STRN4: variants seen among roughly 807,000 people sequenced by gnomAD.
STRN4 encodes the protein striatin-4.
Under a neutral mutation model 77.9 loss-of-function variants are expected in STRN4, and 27 were observed. That is an observed-to-expected ratio of 0.35 (90% CI 0.26 to 0.48). The LOEUF is 0.48. Ranked by LOEUF, STRN4 falls within the 20% of genes least tolerant of loss-of-function variation. The pLI is 0.99. For synonymous variants in STRN4, 466 were observed against 443.1 expected, an observed-to-expected ratio of 1.05 and a Z score of -0.65; for missense variants, 798 against 1,049.7, an observed-to-expected ratio of 0.76 and a Z score of 3.31.
At chr19:46,739,192 G>C (rs972949312) in intron 1 of STRN4, 1 of 402,762 alleles carries the variant, frequency 2.5e-6, no homozygotes, top group Admixed American at 3.6e-5. Context: ...GGGGAAGTCG[G>C]GTCAGGGATG....
chr19:46,728,568 C>A (rs1345213911), intron 7 of STRN4, 50 bp downstream of exon 7: 3 of 1,586,884 alleles, frequency 1.9e-6, no homozygotes, highest in Non-Finnish European at 2.6e-6. Flanking sequence ...CTGCTCCCAC[C>A]CCCTCGGTGG....
At chr19:46,739,681 C>T (rs552057554) in intron 1 of STRN4, among the ~76,000 whole-genome samples, 1 of 152,346 alleles carries the variant, frequency 6.6e-6, no homozygotes, top group Middle Eastern at 3.4e-3. Context: ...CCCAAGCACC[C>T]CACCGTTCCA....
chr19:46,725,529 G>A lies in STRN4; in HGVS notation c.1368C>T (p.Ala456=), dbSNP rs150005732. The stretch of plus-strand genomic sequence containing the variant: ...AGAGCTTGAGCGTGCCGTCCTCGGA[G>A]GCGGTGAGCAGAGCCGACTGGCTGT... ...FHHSQSALLT[A]SEDGTLKLWN... Residue 456 remains alanine (A), a synonymous_variant, in exon 10 of 18, where the codon GCC becomes GCT. Coordinates refer to ENST00000263280, the MANE Select transcript of STRN4 (RefSeq NM_013403.3). 65 of 1,614,080 alleles carry A rather than the reference G, an allele frequency of 4.0e-5. No homozygotes were observed. In the African/African-American group the frequency reaches 7.3e-4, roughly 18 times the overall value.
intron 7 of STRN4, chr19:46,728,262 G>A (rs2054168240): frequency 3.2e-6 from 2 of 616,088 alleles, no homozygotes; most frequent in African/African-American, 1.8e-5. Flanking sequence ...CTCCTAGCTA[G>A]GAGTCACAGG....
Position 46,738,370 on chromosome 19 carries a change from A to T in STRN4, c.387-133T>A, listed in dbSNP as rs886444905. 1 of 874,670 alleles carries T rather than the reference A, an allele frequency of 1.1e-6. No homozygotes were observed. The highest frequency in any genetic ancestry group is 1.9e-6 in the Non-Finnish European group (1 of 540,414). The allele number at this position is 874,670 out of a possible 1,614,324, so 54.2% of individuals were successfully genotyped here. A position where few individuals can be genotyped will look rare whatever the true frequency, so the allele number is the denominator to read the frequency against. On this transcript the variant is annotated intron_variant, in intron 2 of 17. Transcript: ENST00000263280. The surrounding 1 kb of genome is among the most constrained non-coding windows in gnomAD (Gnocchi z 4.5). ...GCTCGTCTACTACTGAGGCTGAAGC[A>T]TCCCCCCACACCCCTGGCCTGGTGG...
chr19:46,736,919 G>A lies in STRN4; in HGVS notation c.461-18C>T, dbSNP rs767986086. On this transcript the variant is annotated intron_variant, in intron 3 of 17. Coordinates refer to ENST00000263280, the MANE Select transcript of STRN4 (RefSeq NM_013403.3). ...ATTGGAGACTGGCGGGTGAGAGAAC[G>A]GAGGCTGTCTTAAGTCAGGCCACTG... 3 of 1,608,974 alleles carry A rather than the reference G, an allele frequency of 1.9e-6. No individual in the cohort carries two copies. The highest frequency in any genetic ancestry group is 2.5e-6 in the Non-Finnish European group (3 of 1,177,588).
Position 46,723,695 on chromosome 19 carries a change from G to A in STRN4, c.1595-411C>T, listed in dbSNP as rs568824647. Reference sequence around the variant, plus strand: ...GGCCCGAGCAGTCTTTTCAGCCCATGGCCAAGTGCATGGGCTTTGCCTGGT... The same window carrying A: ...GGCCCGAGCAGTCTTTTCAGCCCATAGCCAAGTGCATGGGCTTTGCCTGGT... On this transcript the variant is annotated intron_variant, in intron 12 of 17. Coordinates refer to ENST00000263280, the MANE Select transcript of STRN4 (RefSeq NM_013403.3). This position sits in a 1 kb window ranked among gnomAD's most constrained non-coding sequence, Gnocchi z 5.5. 6.6e-6 allele frequency among the ~76,000 whole-genome samples: 1 copy of A among 152,322 alleles called. No individual in the cohort carries two copies. Among genetic ancestry groups the A allele is most frequent in the African/African-American group, 2.4e-5 (1 of 41,576 alleles).
chr19:46,728,311 C>T (rs1050285836), intron 7 of STRN4: 19 of 588,232 alleles, frequency 3.2e-5, no homozygotes, highest in Admixed American at 1.5e-4. Flanking sequence ...TGCCTCTCCC[C>T]GACTGGGTCC....
intron 1 of STRN4, among the ~76,000 whole-genome samples, chr19:46,743,207 A>C (rs954690171): frequency 6.6e-6 from 1 of 152,196 alleles, no homozygotes; most frequent in African/African-American, 2.4e-5. Context: ...GACGAAGAGA[A>C]GGAACTTTCC....
At chr19:46,735,047 T>C (rs2054331379) in intron 4 of STRN4, among the ~76,000 whole-genome samples, 1 of 152,108 alleles carries the variant, frequency 6.6e-6, no homozygotes, top group Non-Finnish European at 1.5e-5. Flanking sequence ...GGCTCACACC[T>C]GTAATCCCAG....
chr19:46,722,743 C>T, intron 14 of STRN4, 67 bp downstream of exon 14: 3 of 1,594,024 alleles, frequency 1.9e-6, no homozygotes, highest in Non-Finnish European at 1.7e-6. Context: ...GTCGCCAAAG[C>T]CCCAGGAGGA....
intron 6 of STRN4, 109 bp from the exon 7 acceptor site, chr19:46,728,886 T>G: frequency 6.8e-7 from 1 of 1,475,286 alleles, no homozygotes; most frequent in East Asian, 2.3e-5. Context: ...TTTCTGTTCA[T>G]GGGGCTGCCT....
intron 3 of STRN4, among the ~76,000 whole-genome samples, chr19:46,737,861 G>A (rs576731804): frequency 3.9e-5 from 6 of 152,156 alleles, no homozygotes; most frequent in South Asian, 4.1e-4. Context: ...TTCCCGCACC[G>A]TCCCCAGCAC....
chr19:46,720,710 C>G lies in STRN4; in HGVS notation c.2154G>C (p.Thr718=), dbSNP rs772242840. ...CCTCCTCGTGCTTCTTGCGGTGGGC[C>G]GTGATCTCCTGCACGCACGTTTTGT... is the stretch of plus-strand genomic sequence containing the variant. ...LDNKTCVQEI[T]AHRKKHEEAI... Residue 718 remains threonine (T), a synonymous_variant, in exon 17 of 18, where the codon ACG becomes ACC. Transcript: ENST00000263280. 2 of 1,610,344 alleles carry G rather than the reference C, an allele frequency of 1.2e-6. No homozygotes were observed. Among genetic ancestry groups the G allele is most frequent in the Admixed American group, 3.4e-5 (2 of 59,600 alleles).
intron 1 of STRN4, 96 bp downstream of exon 1, chr19:46,746,053 C>A (rs1207921311): frequency 3.5e-6 from 4 of 1,148,206 alleles, no homozygotes; most frequent in Non-Finnish European, 4.4e-6. Context: ...GCCGTCCCGG[C>A]GGCCATTGCT....
Position 46,746,180 on chromosome 19 carries a change from G to A in STRN4, c.251C>T (p.Ala84Val). 1 of 1,537,268 alleles carries A rather than the reference G, an allele frequency of 6.5e-7. No homozygotes were observed. Among genetic ancestry groups the A allele is most frequent in the Non-Finnish European group, 8.7e-7 (1 of 1,149,818 alleles). Residue 84 changes from alanine (A) to valine (V), a missense_variant, in exon 1 of 18, where the codon GCC becomes GTC. This residue lies in a region of STRN4 where 511 missense variants were observed against 575.9 expected (regional missense o/e 0.89). Coordinates refer to ENST00000263280, the MANE Select transcript of STRN4 (RefSeq NM_013403.3). ...CTCGGCGCGCTCGGCCTCCCAGCGGGCTTTCTCGGCTTCGAAGCGCGCCCA... is the reference window on the plus strand; with the variant it reads ...CTCGGCGCGCTCGGCCTCCCAGCGGACTTTCTCGGCTTCGAAGCGCGCCCA... Reference protein sequence around the residue: ...HEWARFEAEKARWEAERAELQ... With the variant: ...HEWARFEAEKVRWEAERAELQ...
intron 8 of STRN4, 62 bp from the exon 9 acceptor site, chr19:46,727,608 A>G (rs1568393920): frequency 2.2e-6 from 3 of 1,381,016 alleles, no homozygotes; most frequent in Non-Finnish European, 2.1e-6. Context: ...AGGGCCAGGG[A>G]GAGAGAGAAT....
At chr19:46,736,704 T>TC (rs2122351915) in intron 4 of STRN4, 119 bp downstream of exon 4, 1 of 1,102,686 alleles carries the variant, frequency 9.1e-7, no homozygotes, top group East Asian at 2.6e-5. Flanking sequence ...CATGGCTGGC[T>TC]AAGATCCTGA....
Position 46,743,879 on chromosome 19 carries a change from G to A in STRN4, c.282+2270C>T, listed in dbSNP as rs139590534. On this transcript the variant is annotated intron_variant, in intron 1 of 17. Transcript: ENST00000263280. ...GATCATGCCACTGCACTCCACCCTG[G>A]GTGACAGAGTGAGACTCTGTCTCAA... Among the ~76,000 whole-genome samples the A allele has an allele frequency of 1.7e-4, 24 of 144,500 alleles. No homozygotes were observed. The East Asian group carries it at 4.5e-3, about 27-fold the overall frequency. 94.8% of individuals were successfully genotyped at this position (144,500 alleles called of 152,430 possible). A position where few individuals can be genotyped will look rare whatever the true frequency, so the allele number is the denominator to read the frequency against.
Sources: allele counts gnomAD v4.1 joint callset (sites outside exome capture counted in the v4.1 genomes callset), GRCh38; gene constraint gnomAD v4.1.1; regional missense constraint gnomAD v4.1.1; non-coding constraint Gnocchi (gnomAD v3.1); transcripts MANE v1.5; gene names NCBI Gene and HGNC (gene_info 2026-07-23, HGNC 2026-07-21).